The following GMDS variants were observed in gnomAD, a reference collection of about 807,000 sequenced individuals.
GMDS encodes the protein GDP-mannose 4,6-dehydratase, also known as GDP-mannose 4,6 dehydratase.
In GMDS, 20 loss-of-function variants were observed where a neutral mutation model predicts 49.9. The ratio of observed to expected loss-of-function variants is 0.40; its 90% CI spans 0.28 to 0.58. The LOEUF (loss-of-function observed/expected upper bound fraction) is 0.58, where lower values mean the gene tolerates loss of function less well. Among genes scored for constraint, GMDS ranks in the 20% least tolerant of loss-of-function variants. The probability of loss-of-function intolerance (pLI) is 0.42; values close to 1 mark genes in which losing one functional copy is unlikely to be tolerated. For missense variants in GMDS, 362 were observed against 481.4 expected (o/e 0.75, Z 2.32); for synonymous variants, 177 against 178.6 (o/e 0.99, Z 0.07).
chr6:2,182,405 T>C (rs1044520323), intron 1 of GMDS, among the ~76,000 whole-genome samples: 13 of 152,232 alleles, frequency 8.5e-5, no homozygotes, highest in African/African-American at 3.1e-4. Context: ...ATTCTCAATG[T>C]AGACAAAACA....
chr6:1,738,275 T>G (rs888819207), intron 8 of GMDS, among the ~76,000 whole-genome samples: 20 of 152,260 alleles, frequency 1.3e-4, no homozygotes, highest in Non-Finnish European at 2.4e-4. Flanking sequence ...CAAATGACTG[T>G]GTAAGAATTT....
intron 9 of GMDS, among the ~76,000 whole-genome samples, chr6:1,703,129 C>T (rs901407059): frequency 3.3e-5 from 5 of 152,206 alleles, no homozygotes; most frequent in African/African-American, 7.2e-5. Context: ...TCCTTGGTGT[C>T]GGCAACTCCT....
At chr6:2,224,627 A>G (rs1780738046) in intron 1 of GMDS, among the ~76,000 whole-genome samples, 1 of 152,222 alleles carries the variant, frequency 6.6e-6, no homozygotes, top group African/African-American at 2.4e-5. Flanking sequence ...CAAGTTTGGT[A>G]TTATGTCTCA....
At chr6:1,845,600 A>G (rs114073257) in intron 7 of GMDS, among the ~76,000 whole-genome samples, 4,220 of 152,216 alleles carry the variant, frequency 0.028, 188 homozygotes, top group African/African-American at 0.095. Flanking sequence ...AGCGGTCCCC[A>G]TCCTTTTTGG....
At chr6:1,871,459 C>T (rs1315033570) in intron 7 of GMDS, among the ~76,000 whole-genome samples, 2 of 152,166 alleles carry the variant, frequency 1.3e-5, no homozygotes, top group African/African-American at 4.8e-5. Context: ...CAATTGAGTA[C>T]TTCAGGGAAC....
chr6:2,060,735 A>C (rs1198913101), intron 4 of GMDS, among the ~76,000 whole-genome samples: 1 of 152,212 alleles, frequency 6.6e-6, no homozygotes, highest in Non-Finnish European at 1.5e-5. Context: ...AGGTGACCAA[A>C]AAGAAAGAAG....
At chr6:1,883,323 G>A (rs1016690857) in intron 7 of GMDS, among the ~76,000 whole-genome samples, 61 of 152,152 alleles carry the variant, frequency 4.0e-4, no homozygotes, top group Middle Eastern at 6.8e-3. Flanking sequence ...CCTAGGAGGC[G>A]GAGGCTGCAG....
At position 1,836,228 on chromosome 6, in the gene GMDS, C is replaced by G. The variant is rs776483462; in HGVS notation, c.772-93642G>C. On this transcript the variant is annotated intron_variant, in intron 7 of 10. Coordinates refer to ENST00000380815, the MANE Select transcript of GMDS (RefSeq NM_001500.4). This position sits in a 1 kb window ranked among gnomAD's most constrained non-coding sequence, Gnocchi z 4.2. ...CTAGTATCTTGTCATGCCTGATAGT[C>G]TCTTTTAAAGTCTCTTTCCTGGTGG... Among the ~76,000 whole-genome samples, 3 of 152,154 alleles carry G rather than the reference C, an allele frequency of 2.0e-5. No homozygotes were observed. Among genetic ancestry groups the G allele is most frequent in the Non-Finnish European group, 4.4e-5 (3 of 68,028 alleles).
At chr6:2,152,265 T>G (rs1776880513) in intron 1 of GMDS, among the ~76,000 whole-genome samples, 1 of 152,172 alleles carries the variant, frequency 6.6e-6, no homozygotes, top group Non-Finnish European at 1.5e-5. Context: ...TCAAGGCACT[T>G]TATAGGCCAA....
intron 7 of GMDS, among the ~76,000 whole-genome samples, chr6:1,919,485 C>T (rs867013924): frequency 4.6e-5 from 7 of 152,322 alleles, no homozygotes; most frequent in African/African-American, 7.2e-5. Flanking sequence ...TTACATAATT[C>T]GGCTTCTGTA....
chr6:2,123,557 G>C (rs748067093), intron 2 of GMDS, among the ~76,000 whole-genome samples: 2 of 152,170 alleles, frequency 1.3e-5, no homozygotes, highest in Non-Finnish European at 2.9e-5. Context: ...AGATATTAAG[G>C]CGTTAGGTTA....
chr6:1,624,389 G>A, intron 10 of GMDS, 83 bp downstream of exon 10: 2 of 1,365,642 alleles, frequency 1.5e-6, no homozygotes, highest in African/African-American at 1.4e-5. Flanking sequence ...CATCGCAGGC[G>A]CCTCAGGCGC....
At chr6:2,004,938 T>G (rs1767060739) in intron 4 of GMDS, among the ~76,000 whole-genome samples, 1 of 152,186 alleles carries the variant, frequency 6.6e-6, no homozygotes, top group Admixed American at 6.5e-5. Flanking sequence ...ATTAAACTAA[T>G]AAAATCTTAC....
At chr6:1,932,370 C>G (rs529833317) in intron 6 of GMDS, among the ~76,000 whole-genome samples, 6 of 152,112 alleles carry the variant, frequency 3.9e-5, no homozygotes, top group African/African-American at 1.4e-4. Context: ...TTCAGGGAAG[C>G]TATATAAATT....
At chr6:1,855,516 A>C (rs1463570946) in intron 7 of GMDS, among the ~76,000 whole-genome samples, 3 of 152,214 alleles carry the variant, frequency 2.0e-5, no homozygotes, top group Non-Finnish European at 4.4e-5. Flanking sequence ...CAGTCTAGAG[A>C]GGGCTGGTAC....
intron 7 of GMDS, among the ~76,000 whole-genome samples, chr6:1,872,711 G>A (rs576674056): frequency 6.6e-6 from 1 of 152,358 alleles, no homozygotes; most frequent in South Asian, 2.1e-4. Flanking sequence ...GGCTGTTTGT[G>A]GCAATTTATA....
intron 7 of GMDS, among the ~76,000 whole-genome samples, chr6:1,870,083 A>T (rs1758652515): frequency 1.3e-5 from 2 of 152,260 alleles, no homozygotes; most frequent in African/African-American, 4.8e-5. Flanking sequence ...AGACCATGCC[A>T]GGACAAGAGC....
At chr6:1,757,818 C>T (rs770741017) in intron 7 of GMDS, among the ~76,000 whole-genome samples, 5 of 152,056 alleles carry the variant, frequency 3.3e-5, no homozygotes, top group Admixed American at 2.6e-4. Flanking sequence ...GTGAGCCACA[C>T]GTAATATAAA....
At chr6:2,114,314 T>C (rs1265290518) in intron 4 of GMDS, among the ~76,000 whole-genome samples, 1 of 152,178 alleles carries the variant, frequency 6.6e-6, no homozygotes, top group Non-Finnish European at 1.5e-5. Flanking sequence ...GATACTCTCA[T>C]GGCTGGTCAG....
Sources: allele counts gnomAD v4.1 joint callset (sites outside exome capture counted in the v4.1 genomes callset), GRCh38; gene constraint gnomAD v4.1.1; non-coding constraint Gnocchi (gnomAD v3.1); transcripts MANE v1.5; gene names NCBI Gene and HGNC (gene_info 2026-07-23, HGNC 2026-07-21).